Variants in PCCA observed in about 807,000 individuals in gnomAD.
The protein encoded by PCCA is propionyl-CoA carboxylase alpha chain, mitochondrial.
Under a neutral mutation model 101.3 loss-of-function variants are expected in PCCA, and 74 were observed. That is an observed-to-expected ratio of 0.73 (90% CI 0.61 to 0.89). The LOEUF (loss-of-function observed/expected upper bound fraction) is 0.89, where lower values mean the gene tolerates loss of function less well. PCCA is among the 40% of genes least tolerant of loss of function. The pLI is 0.00. For missense variants in PCCA, 891 were observed against 907.0 expected (o/e 0.98, Z 0.23); for synonymous variants, 294 against 313.6 (o/e 0.94, Z 0.66).
At chr13:100,484,283 C>G (rs377236486) in intron 21 of PCCA, among the ~76,000 whole-genome samples, 4 of 152,280 alleles carry the variant, frequency 2.6e-5, no homozygotes, top group African/African-American at 9.6e-5. Flanking sequence ...AAGTCTTTAG[C>G]AGATCCACCG....
In PCCA at chr13:100,445,206, C is replaced by A. The variant is rs1475145748; in HGVS notation, c.1846-4046C>A. ...ACTCGCCCTCAAAGAGGGCATTAAT[C>A]TATTCATGAGGGATCCTTCCCAATG... On this transcript the variant is annotated intron_variant, in intron 20 of 23. Coordinates refer to ENST00000376285, the MANE Select transcript of PCCA (RefSeq NM_000282.4). Among the ~76,000 whole-genome samples the A allele has an allele frequency of 2.6e-5, 4 of 152,162 alleles. No homozygotes were observed. In the East Asian group the frequency reaches 7.7e-4, roughly 29 times the overall value.
chr13:100,211,415 C>T (rs557805053), intron 7 of PCCA, among the ~76,000 whole-genome samples: 21 of 152,216 alleles, frequency 1.4e-4, no homozygotes, highest in Non-Finnish European at 2.4e-4. Flanking sequence ...CCAGCAACCT[C>T]TTCCCTTTGT....
Position 100,179,494 on chromosome 13 carries a change from A to C in PCCA, c.468+22154A>C, listed in dbSNP as rs1443098432. The stretch of plus-strand genomic sequence containing the variant: ...TGAGGTCATGGTAGACCCGCTTGTT[A>C]ATCATTTCTGCGTTTTCAGCTCAGT... On this transcript the variant is annotated intron_variant, in intron 6 of 23. Transcript: ENST00000376285. 3.3e-4 allele frequency among the ~76,000 whole-genome samples: 50 copies of C among 152,170 alleles called. 1 individual carries two copies. Among genetic ancestry groups the C allele is most frequent in the Admixed American group, 3.3e-3 (50 of 15,262 alleles).
At chr13:100,504,573 G>A (rs542935953) in intron 21 of PCCA, among the ~76,000 whole-genome samples, 2 of 152,290 alleles carry the variant, frequency 1.3e-5, no homozygotes, top group South Asian at 4.1e-4. Flanking sequence ...TTTAATGACA[G>A]CAATTAGTGG....
intron 21 of PCCA, among the ~76,000 whole-genome samples, chr13:100,455,896 C>G (rs1317272396): frequency 6.6e-6 from 1 of 152,090 alleles, no homozygotes; most frequent in East Asian, 1.9e-4. Flanking sequence ...GATGGGGTTT[C>G]ACTGTGTTGG....
At chr13:100,505,881 C>T (rs1175087256) in intron 21 of PCCA, among the ~76,000 whole-genome samples, 1 of 139,380 alleles carries the variant, frequency 7.2e-6, no homozygotes, top group Non-Finnish European at 1.5e-5. Flanking sequence ...CCAAAAAAAT[C>T]CACCACTCTT....
At chr13:100,522,901 T>G (rs2087423289) in intron 22 of PCCA, among the ~76,000 whole-genome samples, 1 of 152,256 alleles carries the variant, frequency 6.6e-6, no homozygotes, top group Non-Finnish European at 1.5e-5. Context: ...ATTTTCATGC[T>G]TTTATTCCAA....
At chr13:100,231,324 G>T (rs1449619280) in intron 7 of PCCA, among the ~76,000 whole-genome samples, 9 of 152,286 alleles carry the variant, frequency 5.9e-5, no homozygotes, top group Admixed American at 5.2e-4. Context: ...AGAGTTACTG[G>T]CTGAGGCTGG....
intron 22 of PCCA, among the ~76,000 whole-genome samples, chr13:100,522,546 TC>T (rs953118195): frequency 1.3e-5 from 2 of 152,146 alleles, no homozygotes; most frequent in African/African-American, 2.4e-5. Context: ...GCTGTGAACG[TC>T]CCCTGGCCTC....
At chr13:100,473,527 C>G (rs1340723733) in intron 21 of PCCA, among the ~76,000 whole-genome samples, 1 of 152,184 alleles carries the variant, frequency 6.6e-6, no homozygotes, top group African/African-American at 2.4e-5. Context: ...AGGTTACACT[C>G]TCTATAGTAC....
At chr13:100,513,584 GCGCTT>G (rs2086630874) in intron 21 of PCCA, among the ~76,000 whole-genome samples, 1 of 152,224 alleles carries the variant, frequency 6.6e-6, no homozygotes, top group South Asian at 2.1e-4. Context: ...TACAGTCTTA[GCGCTT>G]CGTTCATATG....
chr13:100,498,516 T>A (rs1235396401), intron 21 of PCCA, among the ~76,000 whole-genome samples: 1 of 152,176 alleles, frequency 6.6e-6, no homozygotes, highest in African/African-American at 2.4e-5. Context: ...ATAACACAAT[T>A]AACCATTAGC....
chr13:100,388,513 A>G (rs2076637512), intron 19 of PCCA, among the ~76,000 whole-genome samples: 1 of 152,162 alleles, frequency 6.6e-6, no homozygotes, highest in African/African-American at 2.4e-5. Context: ...AAAAGTTTTA[A>G]GACCAGGCGC....
chr13:100,499,856 A>T (rs2085543671), intron 21 of PCCA, among the ~76,000 whole-genome samples: 1 of 152,104 alleles, frequency 6.6e-6, no homozygotes, highest in Admixed American at 6.5e-5. Flanking sequence ...TTGTGTTTCT[A>T]ATTCACAGGT....
intron 12 of PCCA, among the ~76,000 whole-genome samples, chr13:100,283,838 A>G (rs2064339679): frequency 6.6e-6 from 1 of 152,200 alleles, no homozygotes; most frequent in Non-Finnish European, 1.5e-5. Flanking sequence ...GGACACTTTT[A>G]AAAAGATTGT....
At chr13:100,105,844 CAAAAAAAAAAAAAAAAAAAAA>C (rs71114671) in intron 2 of PCCA, among the ~76,000 whole-genome samples, 3 of 62,508 alleles carry the variant, frequency 4.8e-5, no homozygotes, top group African/African-American at 2.0e-4. Flanking sequence ...GATCCTGTCT[CAAAAAAAAAAAAAAAAAAAAA>C]AAAAAAAAAA....
At chr13:100,416,471 C>T (rs143015097) in intron 19 of PCCA, among the ~76,000 whole-genome samples, 108 of 152,008 alleles carry the variant, frequency 7.1e-4, no homozygotes, top group African/African-American at 2.4e-3. Context: ...CGTGAGCCAC[C>T]GTGCCCAGCC....
At chr13:100,447,431 T>A (rs1466475157) in intron 20 of PCCA, among the ~76,000 whole-genome samples, 1 of 151,394 alleles carries the variant, frequency 6.6e-6, no homozygotes, top group Non-Finnish European at 1.5e-5. Flanking sequence ...GGCTCATACC[T>A]GTAATCCCAG....
chr13:100,497,145 G>T (rs1326797418), intron 21 of PCCA, among the ~76,000 whole-genome samples: 1 of 152,152 alleles, frequency 6.6e-6, no homozygotes, highest in Non-Finnish European at 1.5e-5. Context: ...ATGGGGAATT[G>T]GGGGGAAGAT....
Sources: gnomAD v4.1 joint callset for allele counts (sites outside exome capture counted in the v4.1 genomes callset) on GRCh38, gnomAD v4.1.1 for gene constraint, MANE v1.5 for transcripts, NCBI Gene and HGNC (gene_info 2026-07-23, HGNC 2026-07-21) for gene names.